Variants in STIM1 observed in about 807,000 individuals in gnomAD.
STIM1 encodes the protein stromal interaction molecule 1.
In STIM1, 25 loss-of-function variants were observed where a neutral mutation model predicts 74.7. The observed-to-expected ratio is 0.33, with a 90% CI of 0.24 to 0.47. STIM1 has a LOEUF of 0.47. Among genes scored for constraint, STIM1 ranks in the 20% least tolerant of loss-of-function variants. The probability of loss-of-function intolerance (pLI) is 1.00; values close to 1 mark genes in which losing one functional copy is unlikely to be tolerated. For missense variants in STIM1, 728 were observed against 920.8 expected, an observed-to-expected ratio of 0.79 and a Z score of 2.71; for synonymous variants, 328 against 348.8, an observed-to-expected ratio of 0.94 and a Z score of 0.66.
intron 7 of STIM1, among the ~76,000 whole-genome samples, chr11:4,080,627 A>T (rs1193948585): frequency 1.3e-5 from 2 of 151,952 alleles, no homozygotes; most frequent in African/African-American, 4.8e-5. Flanking sequence ...CCATCCCACC[A>T]GGCTAGTTTT....
chr11:3,987,771 A>G (rs2093570736), intron 2 of STIM1, among the ~76,000 whole-genome samples: 1 of 151,528 alleles, frequency 6.6e-6, no homozygotes, highest in African/African-American at 2.4e-5. Flanking sequence ...CTTGTGTAGT[A>G]CAATACTCTT....
chr11:3,922,805 A>C (rs2092734401), intron 1 of STIM1: 2 of 152,194 alleles, frequency 1.3e-5, no homozygotes. Context: ...AAAAAAAAAT[A>C]ACTCTTTGCA....
chr11:4,033,162 A>G (rs1229272708), intron 3 of STIM1, among the ~76,000 whole-genome samples: 1 of 151,904 alleles, frequency 6.6e-6, no homozygotes, highest in Non-Finnish European at 1.5e-5. Flanking sequence ...AAGATCAGAT[A>G]GTTGTAGATA....
chr11:3,974,513 C>CAAA (rs554777497), intron 2 of STIM1, among the ~76,000 whole-genome samples: 3 of 70,252 alleles, frequency 4.3e-5, no homozygotes, highest in Non-Finnish European at 8.6e-5. Context: ...CTATCTCTAC[C>CAAA]AAAAAAAAAA....
chr11:4,078,571 T>A (rs2094449151), intron 7 of STIM1, among the ~76,000 whole-genome samples: 1 of 146,620 alleles, frequency 6.8e-6, no homozygotes, highest in Non-Finnish European at 1.5e-5. Context: ...GGACTCTACT[T>A]TTTTTTTTTT....
chr11:3,925,929 T>C (rs2092782843), intron 1 of STIM1, among the ~76,000 whole-genome samples: 1 of 152,208 alleles, frequency 6.6e-6, no homozygotes, highest in African/African-American at 2.4e-5. Flanking sequence ...ATCCATACAG[T>C]ATTCTAAGTA....
chr11:3,909,411 G>C (rs1017411462), intron 1 of STIM1, among the ~76,000 whole-genome samples: 1 of 151,748 alleles, frequency 6.6e-6, no homozygotes, highest in Non-Finnish European at 1.5e-5. Flanking sequence ...TTTGGGGTGA[G>C]GGTCCTGGTG....
intron 1 of STIM1, among the ~76,000 whole-genome samples, chr11:3,897,890 A>T (rs2092235304): frequency 6.6e-6 from 1 of 152,102 alleles, no homozygotes; most frequent in Non-Finnish European, 1.5e-5. Flanking sequence ...TATATGTGCC[A>T]CATTTTCTTA....
At chr11:4,008,335 A>G (rs892252501) in intron 2 of STIM1, among the ~76,000 whole-genome samples, 1 of 152,162 alleles carries the variant, frequency 6.6e-6, no homozygotes, top group African/African-American at 2.4e-5. Flanking sequence ...TGCATTTCTT[A>G]GAATGTATCC....
chr11:3,967,595 G>C lies in STIM1; in HGVS notation c.183G>C (p.Glu61Asp), dbSNP rs2093351376. 6.2e-7 allele frequency: 1 copy of C among 1,614,240 alleles called. No individual in the cohort carries two copies. The highest frequency in any genetic ancestry group is 8.5e-7 in the Non-Finnish European group (1 of 1,180,044). The change falls in exon 2 of 13, where the codon GAG (glutamate) becomes GAC (aspartate). Residue 61 changes from glutamate (E) to aspartate (D), a missense_variant. Glu to Asp is a conservative substitution (Grantham distance 45). Around this residue, in one of 5 missense-constraint regions of STIM1, gnomAD observed 51 missense variants for 101.1 expected, o/e 0.50. Coordinates refer to ENST00000526596, the MANE Select transcript of STIM1 (RefSeq NM_001382567.1). ...AGCCCCTGTGTCACAGTGAGGATGA[G>C]AAACTCAGCTTCGAGGCAGTCCGTA... Reference protein sequence around the residue: ...IDKPLCHSEDEKLSFEAVRNI... With the variant: ...IDKPLCHSEDDKLSFEAVRNI...
At position 3,963,388 on chromosome 11, in the gene STIM1, TC is replaced by T. The variant is rs558581218; in HGVS notation, c.140-4162del. Reference sequence around the variant, plus strand: ...TTTGCTAAGGATAATGACCTCCATCTCCATTCATGTCCCTGCAAAGGACATG... The same window carrying T: ...TTTGCTAAGGATAATGACCTCCATCTCATTCATGTCCCTGCAAAGGACATG... On this transcript the variant is annotated intron_variant, in intron 1 of 12. Coordinates refer to ENST00000526596, the MANE Select transcript of STIM1 (RefSeq NM_001382567.1). Among the ~76,000 whole-genome samples the T allele has an allele frequency of 1.4e-4, 22 of 152,214 alleles. 1 individual carries two copies. Among genetic ancestry groups the T allele is most frequent in the Non-Finnish European group, 2.6e-4 (18 of 68,036 alleles).
chr11:3,904,194 C>G (rs1198116151), intron 1 of STIM1, among the ~76,000 whole-genome samples: 20 of 20,118 alleles, frequency 9.9e-4, no homozygotes, highest in Non-Finnish European at 1.6e-3. Flanking sequence ...GAGACTCTGT[C>G]TCAAAAAAAA....
At chr11:3,999,260 C>T (rs1386541820) in intron 2 of STIM1, among the ~76,000 whole-genome samples, 2 of 152,206 alleles carry the variant, frequency 1.3e-5, no homozygotes, top group Non-Finnish European at 2.9e-5. Context: ...ACTGCTTAAG[C>T]CCAGGAGGCT....
intron 1 of STIM1, among the ~76,000 whole-genome samples, chr11:3,916,650 C>T (rs1172240237): frequency 6.6e-6 from 1 of 152,048 alleles, no homozygotes; most frequent in Admixed American, 6.6e-5. Context: ...TGGGGTTTCA[C>T]TGTGTTGACC....
At chr11:3,983,470 G>A (rs1388602583) in intron 2 of STIM1, among the ~76,000 whole-genome samples, 1 of 151,696 alleles carries the variant, frequency 6.6e-6, no homozygotes, top group Non-Finnish European at 1.5e-5. Context: ...TTCCTTTTTT[G>A]TAGTTAGTAC....
intron 1 of STIM1, among the ~76,000 whole-genome samples, chr11:3,900,549 C>T (rs2092321498): frequency 2.6e-5 from 4 of 152,204 alleles, no homozygotes; most frequent in Admixed American, 2.6e-4. Flanking sequence ...AGCTGTAGGC[C>T]AGAGCTGTTC....
chr11:4,042,583 G>A (rs1013175709), intron 3 of STIM1, among the ~76,000 whole-genome samples: 18 of 152,096 alleles, frequency 1.2e-4, no homozygotes, highest in Non-Finnish European at 1.9e-4. Flanking sequence ...TTATTTTGGA[G>A]TTTGAGACCA....
At chr11:4,048,034 T>C (rs1483958634) in intron 3 of STIM1, among the ~76,000 whole-genome samples, 1 of 152,080 alleles carries the variant, frequency 6.6e-6, no homozygotes, top group Non-Finnish European at 1.5e-5. Context: ...TTGGCCAGGA[T>C]GATCTCGATC....
chr11:4,087,103 G>A (rs2094498533), intron 12 of STIM1, among the ~76,000 whole-genome samples: 1 of 152,062 alleles, frequency 6.6e-6, no homozygotes, highest in South Asian at 2.1e-4. Context: ...TGACCCTATA[G>A]CACTTTTGCC....
Sources: allele counts gnomAD v4.1 joint callset (sites outside exome capture counted in the v4.1 genomes callset), GRCh38; gene constraint gnomAD v4.1.1; regional missense constraint gnomAD v4.1.1; transcripts MANE v1.5; gene names NCBI Gene and HGNC (gene_info 2026-07-23, HGNC 2026-07-21).